Variants in HMCN1 observed in about 807,000 individuals in gnomAD.
The protein encoded by HMCN1 is hemicentin 1, also known as hemicentin-1.
A neutral mutation model predicts 625.9 loss-of-function variants in HMCN1; 321 were observed. That is an observed-to-expected ratio of 0.51 (90% CI 0.47 to 0.56). The LOEUF (loss-of-function observed/expected upper bound fraction) is 0.56. HMCN1 is among the 20% of genes least tolerant of loss of function. The probability of loss-of-function intolerance (pLI) is 0.00; values close to 1 mark genes in which losing one functional copy is unlikely to be tolerated. For missense variants in HMCN1, 6,588 were observed against 6,887.3 expected (o/e 0.96, Z 1.54); for synonymous variants, 2,425 against 2,417.6 (o/e 1.00, Z -0.09).
chr1:185,950,394 G>A (rs1668586634), intron 11 of HMCN1, among the ~76,000 whole-genome samples: 1 of 151,958 alleles, frequency 6.6e-6, no homozygotes, highest in Admixed American at 6.6e-5. Flanking sequence ...GCAGACATGA[G>A]GGCTAGGCTA....
At chr1:186,178,309 G>T in intron 103 of HMCN1, 107 bp from the exon 104 acceptor site, 1 of 834,300 alleles carries the variant, frequency 1.2e-6, no homozygotes, top group Non-Finnish European at 2.0e-6. Context: ...GCTTTGGAGG[G>T]TAACAATGTC....
At chr1:185,962,448 G>C (rs1024654601) in intron 11 of HMCN1, 70 bp from the exon 12 acceptor site, 125 of 1,292,044 alleles carry the variant, frequency 9.7e-5, no homozygotes, top group Middle Eastern at 9.1e-4. Flanking sequence ...CTACAAATCT[G>C]CTAACATAGG....
At chr1:186,170,541 C>A (rs1020626535) in intron 100 of HMCN1, among the ~76,000 whole-genome samples, 2 of 152,058 alleles carry the variant, frequency 1.3e-5, no homozygotes, top group African/African-American at 4.8e-5. Flanking sequence ...AGACATAGAA[C>A]CAACCCAAAT....
At chr1:186,167,781 T>A (rs909694725) in intron 100 of HMCN1, among the ~76,000 whole-genome samples, 1 of 152,220 alleles carries the variant, frequency 6.6e-6, no homozygotes, top group Non-Finnish European at 1.5e-5. Context: ...TAGTAACATT[T>A]AAGTTTCCTC....
chr1:185,746,073 TAG>T (rs1192554380), intron 1 of HMCN1, among the ~76,000 whole-genome samples: 3 of 152,212 alleles, frequency 2.0e-5, no homozygotes, highest in African/African-American at 7.2e-5. Context: ...TGTGCATTTA[TAG>T]AGTTCCTGAA....
chr1:185,987,349 G>A, intron 19 of HMCN1, 83 bp from the exon 20 acceptor site: 1 of 845,578 alleles, frequency 1.2e-6, no homozygotes, highest in Non-Finnish European at 2.1e-6. Context: ...CATTGATGTT[G>A]TAATGAAAAT....
intron 89 of HMCN1, 46 bp from the exon 90 acceptor site, chr1:186,144,123 TAAAC>T (rs745454530): frequency 1.4e-5 from 22 of 1,526,128 alleles, no homozygotes; most frequent in Admixed American, 4.5e-5. Context: ...ATTTTGGTTT[TAAAC>T]AAACACGGTT....
chr1:186,114,064 G>T lies in HMCN1; in HGVS notation c.11217G>T (p.Val3739=). 6.2e-7 allele frequency: 1 copy of T among 1,614,086 alleles called. No homozygotes were observed. The highest frequency in any genetic ancestry group is 8.5e-7 in the Non-Finnish European group (1 of 1,179,950). Residue 3739 remains valine (V), a synonymous_variant, in exon 73 of 107, where the codon GTG becomes GTT. Transcript: ENST00000271588. Reference sequence around the variant, plus strand: ...TATTGGAATGCATCGCTGAAGGTGTGCCAACTCCAAGGATAACATGGAGAA... The same window carrying T: ...TATTGGAATGCATCGCTGAAGGTGTTCCAACTCCAAGGATAACATGGAGAA... ...STVLECIAEG[V]PTPRITWRKD... is the part of the protein sequence containing the mutation.
In HMCN1 at chr1:186,166,796, C is replaced by T. The variant is rs144568739; in HGVS notation, c.15440-12C>T. The T allele has an allele frequency of 4.5e-4, 729 of 1,614,092 alleles. 2 individuals carry two copies. The African/African-American group carries it at 8.7e-3, about 19-fold the overall frequency. ...TCAGCTCACCTCAGTTGAATGATTCCCTCTGTTGCAGATATTGATGAGTGT... is the reference window on the plus strand; with the variant it reads ...TCAGCTCACCTCAGTTGAATGATTCTCTCTGTTGCAGATATTGATGAGTGT... On this transcript the variant is annotated splice_polypyrimidine_tract_variant and intron_variant, in intron 99 of 106. Transcript: ENST00000271588.
intron 36 of HMCN1, among the ~76,000 whole-genome samples, chr1:186,035,038 C>T (rs192495360): frequency 1.3e-5 from 2 of 152,256 alleles, no homozygotes; most frequent in Admixed American, 1.3e-4. Flanking sequence ...CACTTCAGTC[C>T]AGAAGGCTTC....
At chr1:185,945,162 C>T (rs1188412574) in intron 11 of HMCN1, among the ~76,000 whole-genome samples, 2 of 152,090 alleles carry the variant, frequency 1.3e-5, no homozygotes, top group African/African-American at 4.8e-5. Flanking sequence ...TTTACTGCAT[C>T]TGAAGAAAGG....
intron 63 of HMCN1, 85 bp downstream of exon 63, chr1:186,088,840 T>A: frequency 7.7e-7 from 1 of 1,296,728 alleles, no homozygotes; most frequent in Non-Finnish European, 1.1e-6. Context: ...AAGGTATCAG[T>A]AGTAATTGAT....
At position 186,182,210 on chromosome 1, in the gene HMCN1, G is replaced by C; in HGVS notation, c.16337G>C (p.Cys5446Ser). ...AATACAGATGCCTGCCAGCATGAGT[G>C]TAAGAATACCTTTGGAAGTTATCAG... ...CENTDACQHE[C>S]KNTFGSYQCI... is the part of the protein sequence containing the mutation. The change falls in exon 105 of 107, where the codon TGT becomes TCT. Residue 5446 changes from cysteine (C) to serine (S), a missense_variant. Cys to Ser is a moderately radical substitution (Grantham distance 112). Around this residue, in one of 3 missense-constraint regions of HMCN1, gnomAD observed 1,954 missense variants for 2,013.1 expected, o/e 0.97. Transcript: ENST00000271588. 1 of 1,613,442 alleles carries C rather than the reference G, an allele frequency of 6.2e-7. No homozygotes were observed. Among genetic ancestry groups the C allele is most frequent in the Non-Finnish European group, 8.5e-7 (1 of 1,179,458 alleles).
intron 56 of HMCN1, 36 bp downstream of exon 56, chr1:186,081,430 A>G (rs766598462): frequency 6.9e-5 from 101 of 1,471,024 alleles, no homozygotes; most frequent in Non-Finnish European, 9.0e-5. Flanking sequence ...TAAAAGAGCT[A>G]TTTGACTTTG....
intron 4 of HMCN1, among the ~76,000 whole-genome samples, chr1:185,886,238 A>T (rs952465988): frequency 2.0e-5 from 3 of 151,762 alleles, no homozygotes; most frequent in African/African-American, 7.2e-5. Context: ...AGATGAGGGG[A>T]GTGGGTGGAA....
chr1:185,946,677 C>T (rs999620293), intron 11 of HMCN1, among the ~76,000 whole-genome samples: 6 of 152,166 alleles, frequency 3.9e-5, no homozygotes, highest in African/African-American at 1.4e-4. Flanking sequence ...TTCCTATCAA[C>T]CATATTTTTT....
rs1378534818 is a variant in HMCN1 at position 186,189,629 on chromosome 1, G to T, written c.16659G>T (p.Arg5553=). 1.2e-6 allele frequency: 2 copies of T among 1,612,798 alleles called. No individual in the cohort carries two copies. The highest frequency in any genetic ancestry group is 1.7e-6 in the Non-Finnish European group (2 of 1,179,302). Residue 5553 remains arginine, a synonymous_variant, in exon 107 of 107, where the codon CGG becomes CGT. Transcript: ENST00000271588. The part of the protein sequence containing the change: ...FGIATNQDLI[R]LVAYTQDGVM... ...TAGCCACCAATCAAGATTTAATCCG[G>T]CTGGTTGCATACACACAGGATGGAG...
At chr1:185,932,029 C>G (rs1306310518) in intron 10 of HMCN1, among the ~76,000 whole-genome samples, 1 of 152,056 alleles carries the variant, frequency 6.6e-6, no homozygotes, top group Non-Finnish European at 1.5e-5. Flanking sequence ...AAATATTGCA[C>G]GAGGCATATT....
chr1:186,154,132 C>T (rs1320505183), intron 97 of HMCN1, 145 bp downstream of exon 97: 1 of 715,994 alleles, frequency 1.4e-6, no homozygotes, highest in Non-Finnish European at 2.4e-6. Context: ...TAAGTAAAGC[C>T]CTATGGAAAA....
Sources: gnomAD v4.1 joint callset for allele counts (sites outside exome capture counted in the v4.1 genomes callset) on GRCh38, gnomAD v4.1.1 for gene constraint, gnomAD v4.1.1 regional missense constraint, MANE v1.5 for transcripts, NCBI Gene and HGNC (gene_info 2026-07-23, HGNC 2026-07-21) for gene names.